Variants in PCNT observed in about 807,000 individuals in gnomAD.
The protein encoded by PCNT is kendrin.
A neutral mutation model predicts 380.4 loss-of-function variants in PCNT; 319 were observed. The ratio of observed to expected loss-of-function variants is 0.84; its 90% CI spans 0.77 to 0.92. The LOEUF is 0.92. Among genes scored for constraint, PCNT ranks in the 40% least tolerant of loss-of-function variants. PCNT has a pLI of 0.00. For synonymous variants in PCNT, 1,845 were observed against 1,735.2 expected (o/e 1.06, Z -1.57); for missense variants, 4,400 against 4,255.3 (o/e 1.03, Z -0.95).
intron 1 of PCNT, chr21:46,324,941 T>G (rs1045811798): frequency 3.7e-5 from 36 of 984,808 alleles, no homozygotes; most frequent in Admixed American, 6.2e-5. Flanking sequence ...GGCCGCCGTC[T>G]TCTTCCCGCG....
chr21:46,389,067 G>GT, intron 18 of PCNT, 132 bp from the exon 19 acceptor site: 1 of 1,263,204 alleles, frequency 7.9e-7, no homozygotes, highest in Non-Finnish European at 1.1e-6. Context: ...GTCAGCTCCC[G>GT]TGGACGTGGC....
At position 46,347,438 on chromosome 21, in the gene PCNT, C is replaced by CT. The variant is rs1316298248; in HGVS notation, c.977-14dup. The stretch of plus-strand genomic sequence containing the variant: ...GGTTGAGATGGAGTGGCCTGAGCTG[C>CT]TTTTTGTTTTTCTTGCAGCTGAGCT... On this transcript the variant is annotated intron_variant, in intron 5 of 46. Coordinates refer to ENST00000359568, the MANE Select transcript of PCNT (RefSeq NM_006031.6). 6.2e-7 allele frequency: 1 copy of CT among 1,610,698 alleles called. No individual in the cohort carries two copies.
At chr21:46,427,600 C>CGTTTCTT in intron 33 of PCNT, 22 bp from the exon 34 acceptor site, 2 of 1,613,748 alleles carry the variant, frequency 1.2e-6, no homozygotes, top group Non-Finnish European at 1.7e-6. Flanking sequence ...GAGGACGCCA[C>CGTTTCTT]GTTTCTTCCT....
chr21:46,353,137 G>C lies in PCNT; in HGVS notation c.1490G>C (p.Arg497Pro). ...LHEQLLARTS[R>P]VEDLEQLKQR... Reference sequence around the variant, plus strand: ...GAGCAACTCCTGGCGCGCACCTCTCGTGTGGAAGATTTAGAACAGCTGAAG... The same window carrying C: ...GAGCAACTCCTGGCGCGCACCTCTCCTGTGGAAGATTTAGAACAGCTGAAG... The change falls in exon 10 of 47, where the codon CGT (arginine) becomes CCT (proline). Residue 497 changes from arginine to proline, a missense_variant. Arg to Pro is a moderately radical substitution (Grantham distance 103, BLOSUM62 -2). Transcript: ENST00000359568. 1 of 1,614,038 alleles carries C rather than the reference G, an allele frequency of 6.2e-7. No homozygotes were observed. Among genetic ancestry groups the C allele is most frequent in the Non-Finnish European group, 8.5e-7 (1 of 1,180,038 alleles).
At chr21:46,404,170 G>A (rs576547533) in intron 27 of PCNT, among the ~76,000 whole-genome samples, 72 of 152,140 alleles carry the variant, frequency 4.7e-4, no homozygotes, top group Non-Finnish European at 8.7e-4. Context: ...GCGCGTGCTC[G>A]GTGAATGAAC....
chr21:46,418,094 G>A, intron 30 of PCNT, 110 bp from the exon 31 acceptor site: 1 of 706,736 alleles, frequency 1.4e-6, no homozygotes. Flanking sequence ...GTTTCATCTG[G>A]GGTCTATGTG....
At chr21:46,353,425 C>G in intron 10 of PCNT, 99 bp downstream of exon 10, 1 of 975,674 alleles carries the variant, frequency 1.0e-6, no homozygotes, top group Non-Finnish European at 1.6e-6. Flanking sequence ...CTAGTAGGCA[C>G]CAATGGCCTT....
At chr21:46,337,193 T>A (rs549543273) in intron 3 of PCNT, among the ~76,000 whole-genome samples, 5 of 151,960 alleles carry the variant, frequency 3.3e-5, no homozygotes, top group Non-Finnish European at 7.4e-5. Context: ...GTCAGGCTGG[T>A]CTCCAACTCC....
chr21:46,406,024 AG>A (rs539532810), intron 27 of PCNT, among the ~76,000 whole-genome samples: 18 of 152,348 alleles, frequency 1.2e-4, no homozygotes, highest in African/African-American at 4.1e-4. Context: ...TTCCATTTAA[AG>A]GTTTGACTCT....
chr21:46,439,931 G>T, intron 41 of PCNT, 152 bp from the exon 42 acceptor site: 1 of 846,170 alleles, frequency 1.2e-6, no homozygotes, highest in African/African-American at 1.7e-5. Flanking sequence ...CCCTGCTGAG[G>T]GGGTGCTGAA....
chr21:46,327,857 T>G (rs1259536376), intron 2 of PCNT, among the ~76,000 whole-genome samples: 1 of 152,196 alleles, frequency 6.6e-6, no homozygotes, highest in African/African-American at 2.4e-5. Flanking sequence ...GTCTGCTGCT[T>G]GAGGCCTTGT....
intron 3 of PCNT, among the ~76,000 whole-genome samples, chr21:46,343,336 T>C (rs1177481795): frequency 6.6e-6 from 1 of 152,176 alleles, no homozygotes; most frequent in Non-Finnish European, 1.5e-5. Context: ...AGGGTTTTAA[T>C]CGTAAAGGGA....
At chr21:46,324,721 G>C (rs1213505674) in intron 1 of PCNT, 1 of 240,222 alleles carries the variant, frequency 4.2e-6, no homozygotes, top group African/African-American at 2.3e-5. Flanking sequence ...CGTCCTCCGG[G>C]ACCGGGTGGC....
Position 46,445,601 on chromosome 21 carries a change from G to A in PCNT, c.*274G>A. On this transcript the variant is annotated 3_prime_UTR_variant, in exon 47 of 47. Transcript: ENST00000359568. ...ATGAGCCCTGGCTGTGTGCTGTTGT[G>A]TGCCTATCGGCAGATCCATCCTTCC... 1 of 500,970 alleles carries A rather than the reference G, an allele frequency of 2.0e-6. No homozygotes were observed. Among genetic ancestry groups the A allele is most frequent in the African/African-American group, 1.9e-5 (1 of 52,198 alleles). The allele number at this position is 500,970 out of a possible 1,614,324, so 31.0% of individuals were successfully genotyped here. A position where few individuals can be genotyped will look rare whatever the true frequency, so the allele number is the denominator to read the frequency against.
chr21:46,366,051 C>T (rs1157418421), intron 14 of PCNT, among the ~76,000 whole-genome samples: 1 of 150,252 alleles, frequency 6.7e-6, no homozygotes, highest in East Asian at 2.0e-4. Context: ...GGGTTCTATT[C>T]ACTCACTGCC....
At chr21:46,419,956 G>T (rs1217225377) in intron 31 of PCNT, among the ~76,000 whole-genome samples, 1 of 152,188 alleles carries the variant, frequency 6.6e-6, no homozygotes, top group African/African-American at 2.4e-5. Flanking sequence ...TGTAGAAAAG[G>T]TGTCTGGTAG....
chr21:46,328,424 G>T (rs1447296717), intron 2 of PCNT, among the ~76,000 whole-genome samples: 1 of 151,840 alleles, frequency 6.6e-6, no homozygotes, highest in Non-Finnish European at 1.5e-5. Flanking sequence ...CCACCTTGCT[G>T]GGCAGAAAGT....
At chr21:46,331,014 A>T (rs778326631) in intron 2 of PCNT, among the ~76,000 whole-genome samples, 1 of 151,942 alleles carries the variant, frequency 6.6e-6, no homozygotes, top group Non-Finnish European at 1.5e-5. Flanking sequence ...GCATAAGAAG[A>T]TAAGTGTGTG....
At position 46,397,333 on chromosome 21, in the gene PCNT, C is replaced by G. The variant is rs62224222; in HGVS notation, c.4285C>G (p.Arg1429Gly). 6.2e-7 allele frequency: 1 copy of G among 1,613,834 alleles called. No individual in the cohort carries two copies. The highest frequency in any genetic ancestry group is 8.5e-7 in the Non-Finnish European group (1 of 1,179,934). Residue 1429 changes from arginine (R) to glycine (G), a missense_variant, in exon 22 of 47, where the codon CGC (arginine) becomes GGC (glycine). Physicochemically the swap from Arg to Gly is moderately radical, Grantham distance 125. Coordinates refer to ENST00000359568, the MANE Select transcript of PCNT (RefSeq NM_006031.6). The part of the protein sequence containing the change: ...SETRKQAEKD[R>G]SALLSQMKIL... ...GACCAGGAAGCAGGCTGAGAAGGAC[C>G]GCTCAGCCCTGCTCTCCCAGATGAA...
Sources: gnomAD v4.1 joint callset for allele counts (sites outside exome capture counted in the v4.1 genomes callset) on GRCh38, gnomAD v4.1.1 for gene constraint, MANE v1.5 for transcripts, NCBI Gene and HGNC (gene_info 2026-07-23, HGNC 2026-07-21) for gene names.